WDPCP: variants seen among roughly 807,000 people sequenced by gnomAD.
WDPCP encodes the protein WD repeat containing planar cell polarity effector, also known as WD repeat-containing and planar cell polarity effector protein fritz homolog.
WDPCP carries 71 observed loss-of-function variants against 93.1 expected under a neutral mutation model. That is an observed-to-expected ratio of 0.76 (90% CI 0.63 to 0.93). The LOEUF is 0.93. Among genes scored for constraint, WDPCP ranks in the 40% least tolerant of loss-of-function variants. WDPCP has a pLI of 0.00. For synonymous variants in WDPCP, 315 were observed against 315.0 expected, an observed-to-expected ratio of 1.00 and a Z score of 0.00; for missense variants, 844 against 887.4, an observed-to-expected ratio of 0.95 and a Z score of 0.62.
intron 12 of WDPCP, among the ~76,000 whole-genome samples, chr2:63,322,320 A>C (rs1363247843): frequency 6.6e-6 from 1 of 152,250 alleles, no homozygotes; most frequent in African/African-American, 2.4e-5. Context: ...AGGGAATAAA[A>C]GCAGGCCACC....
intron 2 of WDPCP, among the ~76,000 whole-genome samples, chr2:63,722,022 C>T (rs1669423798): frequency 6.6e-6 from 1 of 152,080 alleles, no homozygotes; most frequent in Admixed American, 6.5e-5. Context: ...GAGTCTCGTT[C>T]ACTCAGTGCT....
chr2:63,343,457 C>G (rs139190679), intron 12 of WDPCP, among the ~76,000 whole-genome samples: 2,188 of 152,248 alleles, frequency 0.014, 30 homozygotes, highest in Middle Eastern at 0.024. Context: ...TGACAAAATA[C>G]TTCTTACTTT....
At chr2:63,537,450 C>A (rs1487378195) in intron 1 of WDPCP, among the ~76,000 whole-genome samples, 1 of 152,176 alleles carries the variant, frequency 6.6e-6, no homozygotes, top group African/African-American at 2.4e-5. Context: ...TTAATGACTA[C>A]ACATTGCACC....
chr2:63,484,897 T>C lies in WDPCP; in HGVS notation c.324+20A>G, dbSNP rs2105906867. ...AAACAGATTTGTTTGTTGCCATTTT[T>C]GAAACTTTTTGAAAGATACCTCCAA... On this transcript the variant is annotated intron_variant, in intron 5 of 17. Transcript: ENST00000272321. 2.5e-6 allele frequency: 4 copies of C among 1,611,548 alleles called. No individual in the cohort carries two copies. The East Asian group carries it at 8.9e-5, about 36-fold the overall frequency.
At chr2:63,834,326 A>C in the WDPCP span, among the ~76,000 whole-genome samples, 1 of 152,252 alleles carries the variant, frequency 6.6e-6, no homozygotes, top group Non-Finnish European at 1.5e-5. Flanking sequence ...AACTTCAGTA[A>C]GTTGCTGACC....
chr2:63,680,486 G>A (rs1255521282), intron 2 of WDPCP, among the ~76,000 whole-genome samples: 1 of 152,212 alleles, frequency 6.6e-6, no homozygotes, highest in East Asian at 1.9e-4. Flanking sequence ...CTCATCCACA[G>A]AGGGAGCATT....
At chr2:63,563,922 G>C (rs1706828361) in intron 1 of WDPCP, among the ~76,000 whole-genome samples, 1 of 152,082 alleles carries the variant, frequency 6.6e-6, no homozygotes, top group African/African-American at 2.4e-5. Flanking sequence ...ACAGAAAATG[G>C]GCTAAGACAG....
At chr2:63,575,498 A>AGTATATACT (rs1708014884) in intron 1 of WDPCP, among the ~76,000 whole-genome samples, 3 of 88,406 alleles carry the variant, frequency 3.4e-5, no homozygotes, top group Admixed American at 1.0e-4. Flanking sequence ...TAGTATATAC[A>AGTATATACT]GTATATACAC....
intron 2 of WDPCP, among the ~76,000 whole-genome samples, chr2:63,798,318 A>G (rs1265003613): frequency 6.6e-6 from 1 of 152,234 alleles, no homozygotes; most frequent in East Asian, 1.9e-4. Context: ...ACTCTTAAGT[A>G]GAAAGACTAA....
intron 14 of WDPCP, among the ~76,000 whole-genome samples, chr2:63,239,171 CA>C (rs1434106519): frequency 6.6e-6 from 1 of 151,964 alleles, no homozygotes; most frequent in Non-Finnish European, 1.5e-5. Flanking sequence ...TGCCCTATAG[CA>C]AAAAAGTATT....
At chr2:63,702,603 A>G (rs965526631) in intron 2 of WDPCP, among the ~76,000 whole-genome samples, 2 of 150,024 alleles carry the variant, frequency 1.3e-5, no homozygotes. Flanking sequence ...CATTGGCGCG[A>G]TTTCGGCTCA....
intron 1 of WDPCP, among the ~76,000 whole-genome samples, chr2:63,572,151 AC>A (rs1270386716): frequency 6.6e-6 from 1 of 152,154 alleles, no homozygotes; most frequent in Non-Finnish European, 1.5e-5. Flanking sequence ...ATATCCCTTA[AC>A]CCACTGAATA....
intron 3 of WDPCP, among the ~76,000 whole-genome samples, chr2:63,646,693 C>G (rs953335782): frequency 6.6e-6 from 1 of 152,064 alleles, no homozygotes; most frequent in African/African-American, 2.4e-5. Context: ...TAAAGTAAAA[C>G]TTTGTTTTTC....
At chr2:63,787,101 G>C (rs755292139) in intron 2 of WDPCP, among the ~76,000 whole-genome samples, 4 of 152,118 alleles carry the variant, frequency 2.6e-5, no homozygotes, top group African/African-American at 4.8e-5. Flanking sequence ...TATAAACTAG[G>C]ATACCCTTGG....
chr2:63,800,550 G>T (rs887181606), intron 2 of WDPCP, among the ~76,000 whole-genome samples: 1 of 152,146 alleles, frequency 6.6e-6, no homozygotes, highest in African/African-American at 2.4e-5. Context: ...ATGTTGGAAA[G>T]ATTACTGCCC....
chr2:63,558,388 C>T (rs370748123), intron 1 of WDPCP, among the ~76,000 whole-genome samples: 8 of 151,780 alleles, frequency 5.3e-5, no homozygotes, highest in Non-Finnish European at 8.8e-5. Context: ...ATTAGCTGGG[C>T]GTGGTGGTGC....
At chr2:63,216,288 C>T (rs1677331102) in intron 14 of WDPCP, among the ~76,000 whole-genome samples, 1 of 152,146 alleles carries the variant, frequency 6.6e-6, no homozygotes, top group Non-Finnish European at 1.5e-5. Flanking sequence ...TTCACAATAG[C>T]AAAGACTTGG....
Position 63,338,572 on chromosome 2 carries a change from ATATATATAT to A in WDPCP, c.1749-25270_1749-25262del, listed in dbSNP as rs1558490458. 3.5e-3 allele frequency among the ~76,000 whole-genome samples: 17 copies of A among 4,888 alleles called. 2 individuals carry two copies. Among genetic ancestry groups the A allele is most frequent in the East Asian group, 0.042 (2 of 48 alleles). 3.2% of individuals were successfully genotyped at this position (4,888 alleles called of 152,430 possible). ...CATCTAAAAAAAAAAAAAAAAAAAT[ATATATATAT>A]ATATATATATATATATATATATATA... On this transcript the variant is annotated intron_variant, in intron 12 of 17. Transcript: ENST00000272321.
chr2:63,644,115 T>C (rs959048566), intron 3 of WDPCP: 1 of 338,754 alleles, frequency 3.0e-6, no homozygotes, highest in Non-Finnish European at 5.8e-6. Flanking sequence ...TTGTTGAGAA[T>C]TTTTGCATCA....
Sources: allele counts gnomAD v4.1 joint callset (sites outside exome capture counted in the v4.1 genomes callset), GRCh38; gene constraint gnomAD v4.1.1; transcripts MANE v1.5; gene names NCBI Gene and HGNC (gene_info 2026-07-23, HGNC 2026-07-21).